ZNF823: variants seen among roughly 807,000 people sequenced by gnomAD.
The protein encoded by ZNF823 is zinc finger protein 823.
In ZNF823, 5 loss-of-function variants were observed where a neutral mutation model predicts 11.4. The observed-to-expected ratio is 0.44, with a 90% CI of 0.23 to 0.92. The LOEUF (loss-of-function observed/expected upper bound fraction) is 0.92. Ranked by LOEUF, ZNF823 falls within the 40% of genes least tolerant of loss-of-function variation. The probability of loss-of-function intolerance (pLI) is 0.24; values close to 1 mark genes in which losing one functional copy is unlikely to be tolerated. For synonymous variants in ZNF823, 234 were observed against 250.5 expected (o/e 0.93, Z 0.62); for missense variants, 582 against 738.5 (o/e 0.79, Z 2.46).
chr19:11,721,989 T>C lies in ZNF823; in HGVS notation c.1545A>G (p.Lys515=). 6.2e-7 allele frequency: 1 copy of C among 1,614,188 alleles called. No individual in the cohort carries two copies. Among genetic ancestry groups the C allele is most frequent in the Non-Finnish European group, 8.5e-7 (1 of 1,180,032 alleles). ...CTCCAGAGTGAATCCTTTCATGGAC[T>C]TTTAAGTTACTGAAATGACTGAAGG... ...RKAFSHFSNL[K]VHERIHSGEK... Residue 515 remains lysine (K), a synonymous_variant, in exon 4 of 4, where the codon AAA becomes AAG. Coordinates refer to ENST00000341191, the MANE Select transcript of ZNF823 (RefSeq NM_001080493.4).
chr19:11,736,602 T>C (rs1309779752), intron 1 of ZNF823, among the ~76,000 whole-genome samples: 1 of 152,250 alleles, frequency 6.6e-6, no homozygotes, highest in Non-Finnish European at 1.5e-5. Flanking sequence ...AACTTGTTCT[T>C]GTCTCTTTGA....
In ZNF823 at chr19:11,721,353, A is replaced by G. The variant is rs1238417275; in HGVS notation, c.*348T>C. On this transcript the variant is annotated 3_prime_UTR_variant, in exon 4 of 4. Transcript: ENST00000341191. ...TTGTGTCTGCATCGAACATGTAGAG[A>G]CTATTTTTCTTGTCATGATTCTCTA... 1 of 191,270 alleles carries G rather than the reference A, an allele frequency of 5.2e-6. No homozygotes were observed. Among genetic ancestry groups the G allele is most frequent in the African/African-American group, 2.4e-5 (1 of 42,482 alleles). 11.8% of individuals were successfully genotyped at this position (191,270 alleles called of 1,614,324 possible). A position where few individuals can be genotyped will look rare whatever the true frequency, so the allele number is the denominator to read the frequency against.
intron 1 of ZNF823, among the ~76,000 whole-genome samples, chr19:11,732,009 C>CA (rs34026773): frequency 0.027 from 2,618 of 96,698 alleles, 37 homozygotes; most frequent in African/African-American, 0.031. Flanking sequence ...AACTCCGTCT[C>CA]AAAAAAAAAA....
intron 1 of ZNF823, among the ~76,000 whole-genome samples, chr19:11,735,782 TC>T (rs1974982795): frequency 6.6e-6 from 1 of 152,096 alleles, no homozygotes; most frequent in Non-Finnish European, 1.5e-5. Context: ...GTAAAATCAC[TC>T]CAATCCAGCA....
At chr19:11,724,701 G>T (rs1974759052) in intron 2 of ZNF823, among the ~76,000 whole-genome samples, 2 of 151,768 alleles carry the variant, frequency 1.3e-5, no homozygotes, top group Admixed American at 6.6e-5. Context: ...TGGGGCTACA[G>T]GTGTCCGCCA....
At chr19:11,731,535 A>C (rs1974894597) in intron 1 of ZNF823, among the ~76,000 whole-genome samples, 1 of 152,158 alleles carries the variant, frequency 6.6e-6, no homozygotes, top group Admixed American at 6.5e-5. Flanking sequence ...TTCTCCAGCA[A>C]TAACTGGGTG....
intron 2 of ZNF823, 121 bp from the exon 3 acceptor site, chr19:11,724,375 C>T: frequency 2.3e-6 from 2 of 852,970 alleles, no homozygotes; most frequent in Non-Finnish European, 1.8e-6. Context: ...GACTCTTCAA[C>T]AACACAGGTT....
At chr19:11,725,125 C>T (rs945101260) in intron 2 of ZNF823, 76 bp downstream of exon 2, 1 of 1,550,164 alleles carries the variant, frequency 6.5e-7, no homozygotes, top group South Asian at 1.2e-5. Flanking sequence ...TTCCATATTT[C>T]AAATCATGAA....
chr19:11,727,174 A>G (rs558282892), intron 1 of ZNF823, among the ~76,000 whole-genome samples: 13 of 152,282 alleles, frequency 8.5e-5, no homozygotes, highest in African/African-American at 3.1e-4. Flanking sequence ...AACAAAGATT[A>G]TATTACCAAA....
rs1244804372 is a variant in ZNF823 at position 11,726,342 on chromosome 19, TGA to T, written c.4-1017_4-1016del. Among the ~76,000 whole-genome samples, 4 of 139,780 alleles carry T rather than the reference TGA, an allele frequency of 2.9e-5. No homozygotes were observed. The Admixed American group carries it at 3.0e-4, about 11-fold the overall frequency. The allele number at this position is 139,780 out of a possible 152,430, so 91.7% of individuals were successfully genotyped here. ...TTTAACTTAACTCCTATTCCCCCTC[TGA>T]GAGTTTGGAAGTTTGTTACATGATC... On this transcript the variant is annotated intron_variant, in intron 1 of 3. Transcript: ENST00000341191.
In ZNF823 at chr19:11,721,823, G is replaced by A. The variant is rs772239702; in HGVS notation, c.1711C>T (p.Arg571Ter). ...CCAGTGTGAGTTTTTTCATGTCCTC[G>A]AAGGAAACGGGAACGAGTGAAGGCT... Reference protein sequence around the residue: ...GKAFTRSRFLRGHEKTHTGEK... With the variant: ...GKAFTRSRFL The change falls in exon 4 of 4, where the codon CGA becomes TGA. Residue 571 changes from arginine (R) to a stop codon, truncating the protein, a stop_gained. Transcript: ENST00000341191. LOFTEE classifies it low-confidence loss of function (END_TRUNC). 8.7e-6 allele frequency: 14 copies of A among 1,613,540 alleles called. No homozygotes were observed. The highest frequency in any genetic ancestry group is 4.5e-5 in the East Asian group (2 of 44,868).
rs764715892 is a variant in ZNF823, at chr19:11,723,087, G to GC, written c.446_447insG (p.His149GlnfsTer7). On this transcript the variant is annotated frameshift_variant, in exon 4 of 4. Coordinates refer to ENST00000341191, the MANE Select transcript of ZNF823 (RefSeq NM_001080493.4). LOFTEE classifies it low-confidence loss of function (END_TRUNC). ...GGGGCCTTTCATGTGTCTGGAAGGA[G>GC]TGCTGATGACTGATGGCTTTCCCAC... 1 of 1,614,198 alleles carries GC rather than the reference G, an allele frequency of 6.2e-7. No homozygotes were observed.
chr19:11,736,101 A>G (rs1177211125), intron 1 of ZNF823, among the ~76,000 whole-genome samples: 1 of 152,200 alleles, frequency 6.6e-6, no homozygotes, highest in African/African-American at 2.4e-5. Flanking sequence ...TAATTCATCA[A>G]TATATCCACC....
chr19:11,731,953 G>A (rs188550036), intron 1 of ZNF823, among the ~76,000 whole-genome samples: 257 of 148,208 alleles, frequency 1.7e-3, no homozygotes, highest in Non-Finnish European at 2.4e-3. Flanking sequence ...AGGTTGCGAT[G>A]AGCCGAGATC....
chr19:11,731,926 T>C (rs984545437), intron 1 of ZNF823, among the ~76,000 whole-genome samples: 2 of 151,148 alleles, frequency 1.3e-5, no homozygotes, highest in Admixed American at 1.3e-4. Flanking sequence ...GGAGAATCGT[T>C]TGAACCCGTG....
In ZNF823 at chr19:11,721,332, G is replaced by A. The variant is rs1974673857; in HGVS notation, c.*369C>T. On this transcript the variant is annotated 3_prime_UTR_variant, in exon 4 of 4. Coordinates refer to ENST00000341191, the MANE Select transcript of ZNF823 (RefSeq NM_001080493.4). ...ACGTAGGTGGGCCTGCAATGGTTGT[G>A]TCTGCATCGAACATGTAGAGACTAT... 1 of 173,120 alleles carries A rather than the reference G, an allele frequency of 5.8e-6. No homozygotes were observed. Among genetic ancestry groups the A allele is most frequent in the Admixed American group, 5.7e-5 (1 of 17,584 alleles). The allele number at this position is 173,120 out of a possible 1,614,324, so 10.7% of individuals were successfully genotyped here.
chr19:11,723,414 T>C, intron 3 of ZNF823, 72 bp from the exon 4 acceptor site: 1 of 1,258,824 alleles, frequency 7.9e-7, no homozygotes, highest in Non-Finnish European at 1.1e-6. Flanking sequence ...AGTACTAGAT[T>C]TATATTTGTA....
chr19:11,726,287 C>CATATACATATAT (rs1555766612), intron 1 of ZNF823, among the ~76,000 whole-genome samples: 1,645 of 112,208 alleles, frequency 0.015, 104 homozygotes, highest in Non-Finnish European at 0.023. Flanking sequence ...ATAAAAAATA[C>CATATACATATAT]ATATATATAT....
intron 1 of ZNF823, among the ~76,000 whole-genome samples, chr19:11,737,434 G>C (rs1347794818): frequency 6.6e-6 from 1 of 151,676 alleles, no homozygotes; most frequent in Non-Finnish European, 1.5e-5. Flanking sequence ...GGCTAATTTT[G>C]TATTTTTAGT....
Sources: gnomAD v4.1 joint callset for allele counts (sites outside exome capture counted in the v4.1 genomes callset) on GRCh38, gnomAD v4.1.1 for gene constraint, MANE v1.5 for transcripts, NCBI Gene and HGNC (gene_info 2026-07-23, HGNC 2026-07-21) for gene names.